ABCB8: variants seen among roughly 807,000 people sequenced by gnomAD.
The protein encoded by ABCB8 is ATP binding cassette subfamily B member 8, also known as mitochondrial potassium channel ATP-binding subunit.
ABCB8 carries 52 observed loss-of-function variants against 73.0 expected under a neutral mutation model. That is an observed-to-expected ratio of 0.71 (90% CI 0.57 to 0.90). The LOEUF (loss-of-function observed/expected upper bound fraction) is 0.90, where lower values mean the gene tolerates loss of function less well. ABCB8 is among the 40% of genes least tolerant of loss of function. ABCB8 has a pLI of 0.00. For missense variants in ABCB8, 909 were observed against 974.6 expected, an observed-to-expected ratio of 0.93 and a Z score of 0.90; for synonymous variants, 428 against 423.5, an observed-to-expected ratio of 1.01 and a Z score of -0.13.
rs771537834 is a variant in ABCB8, at chr7:151,040,895, G to A, written c.1456G>A (p.Val486Met). ...CCTGACGCTGCCCCCTGGCAAGATC[G>A]TGGCCCTCGTGGGCCAGTCTGGCGG... ...FTLTLPPGKI[V>M]ALVGQSGGGK... The change falls in exon 12 of 16, where the codon GTG becomes ATG. Residue 486 changes from valine (V) to methionine (M), a missense_variant. By Grantham distance (21) the Val-to-Met change is conservative. Transcript: ENST00000358849. The A allele has an allele frequency of 1.2e-5, 20 of 1,605,812 alleles. No homozygotes were observed. Among genetic ancestry groups the A allele is most frequent in the South Asian group, 4.4e-5 (4 of 89,984 alleles).
Position 151,035,839 on chromosome 7 carries a change from C to T in ABCB8, c.928-43C>T, listed in dbSNP as rs900481365. ...CTGTCCCCATCCTGGACTCCTTGTC[C>T]TGTTTTCTGGACTCCTTGTCCTGTT... On this transcript the variant is annotated intron_variant, in intron 6 of 15. Coordinates refer to ENST00000358849, the MANE Select transcript of ABCB8 (RefSeq NM_007188.5). 1.9e-6 allele frequency: 3 copies of T among 1,611,066 alleles called. No homozygotes were observed. In the African/African-American group the frequency reaches 4.0e-5, roughly 21 times the overall value.
chr7:151,028,702 G>A, intron 1 of ABCB8, 92 bp downstream of exon 1: 1 of 1,558,088 alleles, frequency 6.4e-7, no homozygotes, highest in Non-Finnish European at 8.6e-7. Flanking sequence ...GAGCTTGCGC[G>A]AGGCTTGCTG....
At chr7:151,039,661 T>C (rs1796403690) in intron 9 of ABCB8, 1 of 152,342 alleles carries the variant, frequency 6.6e-6, no homozygotes, top group South Asian at 2.1e-4. Context: ...GAATTTTGTT[T>C]TGGGGTCTCC....
chr7:151,036,843 G>T, intron 9 of ABCB8, 194 bp downstream of exon 9: 1 of 758,814 alleles, frequency 1.3e-6, no homozygotes, highest in Non-Finnish European at 2.4e-6. Flanking sequence ...CCTGGCTGGG[G>T]CAGTGGCGCT....
At chr7:151,037,020 T>A in intron 9 of ABCB8, 1 of 685,748 alleles carries the variant, frequency 1.5e-6, no homozygotes, top group Non-Finnish European at 2.7e-6. Context: ...GCACTCACAT[T>A]GCTGTGCGGC....
chr7:151,042,972 A>C (rs544190477), intron 14 of ABCB8, among the ~76,000 whole-genome samples: 1 of 152,200 alleles, frequency 6.6e-6, no homozygotes, highest in Non-Finnish European at 1.5e-5. Flanking sequence ...CTTTCTGCTC[A>C]TTTGGGCCTT....
At chr7:151,031,346 A>G in intron 1 of ABCB8, 9 of 1,519,074 alleles carry the variant, frequency 5.9e-6, no homozygotes, top group Non-Finnish European at 7.9e-6. Flanking sequence ...AACAAGACAT[A>G]AAAACCTGGC....
chr7:151,044,114 C>G lies in ABCB8; in HGVS notation c.1909C>G (p.Leu637Val), dbSNP rs776216645. The G allele has an allele frequency of 6.2e-7, 1 of 1,613,916 alleles. No homozygotes were observed. The highest frequency in any genetic ancestry group is 1.1e-5 in the South Asian group (1 of 91,088). ...GTCCGAGCGGGTTGTACAGGAGGCC[C>G]TGGACCGGGCCAGTGCAGGCCGCAC... Reference protein sequence around the residue: ...AESERVVQEALDRASAGRTVL... With the variant: ...AESERVVQEAVDRASAGRTVL... The change falls in exon 15 of 16, where the codon CTG becomes GTG. Residue 637 changes from leucine (L) to valine (V), a missense_variant. Leu to Val is a conservative substitution (Grantham distance 32). Transcript: ENST00000358849.
chr7:151,034,874 C>G, intron 5 of ABCB8, 45 bp downstream of exon 5: 1 of 1,540,128 alleles, frequency 6.5e-7, no homozygotes, highest in Non-Finnish European at 8.9e-7. Context: ...ACACACTTTC[C>G]CATGTGGATT....
intron 1 of ABCB8, among the ~76,000 whole-genome samples, chr7:151,030,193 A>T (rs1053270791): frequency 6.6e-6 from 1 of 152,264 alleles, no homozygotes; most frequent in South Asian, 2.1e-4. Flanking sequence ...ATAGATTATG[A>T]AATGCATTTA....
In ABCB8 at chr7:151,034,728, G is replaced by T; in HGVS notation, c.664G>T (p.Asp222Tyr). The T allele has an allele frequency of 6.2e-7, 1 of 1,614,036 alleles. No homozygotes were observed. The highest frequency in any genetic ancestry group is 8.5e-7 in the Non-Finnish European group (1 of 1,179,924). ...TTGGTTCTTGTCCCATGCCAGACAA[G>T]ACATCACCTTCTTTGACGCCAATAA... ...RALFSSLLRQ[D>Y]ITFFDANKTG... Residue 222 changes from aspartate (D) to tyrosine (Y), a missense_variant, in exon 5 of 16, where the codon GAC becomes TAC. Coordinates refer to ENST00000358849, the MANE Select transcript of ABCB8 (RefSeq NM_007188.5).
At chr7:151,030,812 C>T (rs570822132) in intron 1 of ABCB8, among the ~76,000 whole-genome samples, 7 of 152,138 alleles carry the variant, frequency 4.6e-5, no homozygotes, top group Non-Finnish European at 1.0e-4. Context: ...TGGTGGTGGG[C>T]GCCTGTAGTC....
chr7:151,040,792 G>A (rs147667596), intron 11 of ABCB8, 36 bp from the exon 12 acceptor site: 1 of 1,588,610 alleles, frequency 6.3e-7, no homozygotes, highest in Non-Finnish European at 8.6e-7. Flanking sequence ...AGGGCTGGGA[G>A]CCTGGTCTGA....
At chr7:151,042,451 G>A (rs768075860) in intron 14 of ABCB8, among the ~76,000 whole-genome samples, 5 of 152,276 alleles carry the variant, frequency 3.3e-5, no homozygotes, top group East Asian at 1.9e-4. Flanking sequence ...CTAAAAGGCC[G>A]CCACTTCCCC....
At chr7:151,036,418 G>A (rs1381747740) in intron 8 of ABCB8, 126 bp from the exon 9 acceptor site, 1 of 984,968 alleles carries the variant, frequency 1.0e-6, no homozygotes, top group Non-Finnish European at 1.6e-6. Context: ...GCTCTTCCGA[G>A]GAGGAAGCCA....
In ABCB8 at chr7:151,045,236, A is replaced by G; in HGVS notation, c.2044A>G (p.Lys682Glu). 6.3e-7 allele frequency: 1 copy of G among 1,592,556 alleles called. No homozygotes were observed. The stretch of plus-strand genomic sequence containing the variant: ...TGGGACACATGAAGAGCTCCTGAAG[A>G]AAGGCGGGCTATACGCCGAGCTCAT... ...EAGTHEELLK[K>E]GGLYAELIRR... is the part of the protein sequence containing the mutation. Residue 682 changes from lysine (K) to glutamate (E), a missense_variant, in exon 16 of 16, where the codon AAA becomes GAA. Transcript: ENST00000358849.
chr7:151,041,470 G>A (rs963924962), intron 13 of ABCB8, among the ~76,000 whole-genome samples: 1 of 152,340 alleles, frequency 6.6e-6, no homozygotes, highest in African/African-American at 2.4e-5. Context: ...ATTTACAGCA[G>A]TCTACACAGA....
chr7:151,030,273 T>C (rs1341341654), intron 1 of ABCB8, among the ~76,000 whole-genome samples: 1 of 152,196 alleles, frequency 6.6e-6, no homozygotes, highest in Admixed American at 6.5e-5. Flanking sequence ...CCCAGCACTT[T>C]GGGAGGCCAA....
At position 151,045,561 on chromosome 7, in the gene ABCB8, C is replaced by A; in HGVS notation, c.*212C>A. ...CCCAGTCCTGCCGGCTGCCTCCCTCCCACCAGAGTCTGCCAGAGTCATTGG... is the reference window on the plus strand; with the variant it reads ...CCCAGTCCTGCCGGCTGCCTCCCTCACACCAGAGTCTGCCAGAGTCATTGG... On this transcript the variant is annotated 3_prime_UTR_variant, in exon 16 of 16. Coordinates refer to ENST00000358849, the MANE Select transcript of ABCB8 (RefSeq NM_007188.5). 1 of 524,938 alleles carries A rather than the reference C, an allele frequency of 1.9e-6. No individual in the cohort carries two copies. The highest frequency in any genetic ancestry group is 2.0e-5 in the African/African-American group (1 of 50,358). The allele number at this position is 524,938 out of a possible 1,614,324, so 32.5% of individuals were successfully genotyped here. A position where few individuals can be genotyped will look rare whatever the true frequency, so the allele number is the denominator to read the frequency against.
Sources: allele counts gnomAD v4.1 joint callset (sites outside exome capture counted in the v4.1 genomes callset), GRCh38; gene constraint gnomAD v4.1.1; transcripts MANE v1.5; gene names NCBI Gene and HGNC (gene_info 2026-07-23, HGNC 2026-07-21).